Variants in FOXD4 observed in about 807,000 individuals in gnomAD.
FOXD4 encodes the protein forkhead box protein D4.
A neutral mutation model predicts 26.5 loss-of-function variants in FOXD4; 22 were observed. The ratio of observed to expected loss-of-function variants is 0.83; its 90% CI spans 0.59 to 1.18. The LOEUF (loss-of-function observed/expected upper bound fraction) is 1.18, where lower values mean the gene tolerates loss of function less well. FOXD4 is among the 50% of genes most tolerant of loss of function. FOXD4 has a pLI of 0.00. For synonymous variants in FOXD4, 258 were observed against 273.7 expected (o/e 0.94, Z 0.57); for missense variants, 625 against 605.8 (o/e 1.03, Z -0.33).
rs202053571 is a variant in FOXD4, at chr9:117,228, G to A, written c.892C>T (p.His298Tyr). ...TPAPFPCCSP[H>Y]LVLSLGRRAR... ...CTCCTCCCAAGGCTGAGGACCAAGTGAGGGCTGCAGCACGGGAAGGGTGCC... is the reference window on the plus strand; with the variant it reads ...CTCCTCCCAAGGCTGAGGACCAAGTAAGGGCTGCAGCACGGGAAGGGTGCC... Residue 298 changes from histidine to tyrosine, a missense_variant, in exon 1 of 1, where the codon CAC (histidine) becomes TAC (tyrosine). Around this residue, in one of 3 missense-constraint regions of FOXD4, gnomAD observed 92 missense variants for 144.2 expected, o/e 0.64. Transcript: ENST00000382500. 3.1e-3 allele frequency: 4,944 copies of A among 1,609,750 alleles called. 10 individuals are homozygous for A. Among genetic ancestry groups the A allele is most frequent in the Non-Finnish European group, 4.0e-3 (4,705 of 1,179,840 alleles).
At position 117,511 on chromosome 9, in the gene FOXD4, G is replaced by C; in HGVS notation, c.609C>G (p.His203Gln). 1 of 1,611,758 alleles carries C rather than the reference G, an allele frequency of 6.2e-7. No homozygotes were observed. The highest frequency in any genetic ancestry group is 8.5e-7 in the Non-Finnish European group (1 of 1,179,962). Residue 203 changes from histidine (H) to glutamine (Q), a missense_variant, in exon 1 of 1, where the codon CAC becomes CAG. By Grantham distance (24) the His-to-Gln change is conservative. Transcript: ENST00000382500. ...GCAGGTGGGCTCCCGGGGTCGGTTG[G>C]TGGCGCTGGAAACGCTTCCTACGCC... The part of the protein sequence containing the change: ...FLRRRKRFQR[H>Q]QPTPGAHLPH...
At position 117,151 on chromosome 9, in the gene FOXD4, C is replaced by G. The variant is rs1195416260; in HGVS notation, c.969G>C (p.Leu323Phe). The change falls in exon 1 of 1, where the codon TTG (leucine) becomes TTC (phenylalanine). Residue 323 changes from leucine (L) to phenylalanine (F), a missense_variant. Around this residue, in one of 3 missense-constraint regions of FOXD4, gnomAD observed 92 missense variants for 144.2 expected, o/e 0.64. Coordinates refer to ENST00000382500, the MANE Select transcript of FOXD4 (RefSeq NM_207305.5). ...HREADASLSA[L>F]RVSCKGSGER... ...CCCCTGACCCCTTGCATGATACTCT[C>G]AATGCTGAAAGAGATGCATCCGCCT... The G allele has an allele frequency of 3.7e-6, 6 of 1,611,820 alleles. No individual in the cohort carries two copies. The highest frequency in any genetic ancestry group is 1.1e-5 in the South Asian group (1 of 90,970).
In FOXD4 at chr9:117,892, C is replaced by G. The variant is rs767366422; in HGVS notation, c.228G>C (p.Pro76=). 1.9e-6 allele frequency: 3 copies of G among 1,611,692 alleles called. No individual in the cohort carries two copies. In the African/African-American group the frequency reaches 4.0e-5, roughly 22 times the overall value. The part of the protein sequence containing the change: ...PREHIEGGGG[P]SDPSEFGTEF... ...CGGTGCCAAACTCTGAGGGGTCGCT[C>G]GGGCCGCCGCCGCCCTCGATGTGCT... Residue 76 remains proline, a synonymous_variant, in exon 1 of 1, where the codon CCG becomes CCC. Coordinates refer to ENST00000382500, the MANE Select transcript of FOXD4 (RefSeq NM_207305.5).
At position 117,501 on chromosome 9, in the gene FOXD4, G is replaced by T. The variant is rs1425394175; in HGVS notation, c.619C>A (p.Pro207Thr). ...AAGGGGTGGGGCAGGTGGGCTCCCG[G>T]GGTCGGTTGGTGGCGCTGGAAACGC... is the stretch of plus-strand genomic sequence containing the variant. Reference protein sequence around the residue: ...RKRFQRHQPTPGAHLPHPFPL... With the variant: ...RKRFQRHQPTTGAHLPHPFPL... Residue 207 changes from proline to threonine, a missense_variant, in exon 1 of 1, where the codon CCG (proline) becomes ACG (threonine). Physicochemically the swap from Pro to Thr is conservative, Grantham distance 38. Coordinates refer to ENST00000382500, the MANE Select transcript of FOXD4 (RefSeq NM_207305.5). The T allele has an allele frequency of 1.9e-6, 3 of 1,611,082 alleles. No individual in the cohort carries two copies. The highest frequency in any genetic ancestry group is 2.2e-5 in the East Asian group (1 of 44,896).
chr9:117,953 T>C lies in FOXD4; in HGVS notation c.167A>G (p.Gln56Arg), dbSNP rs1294865386. The change falls in exon 1 of 1, where the codon CAG (glutamine) becomes CGG (arginine). Residue 56 changes from glutamine (Q) to arginine (R), a missense_variant. Physicochemically the swap from Gln to Arg is conservative, Grantham distance 43 (BLOSUM62 1). Coordinates refer to ENST00000382500, the MANE Select transcript of FOXD4 (RefSeq NM_207305.5). ...CGCAACCCCGCCCCACCGGGCCACC[T>C]GCAGCCCCGGCTGGAGCGACTGCTC... ...FLEQSLQPGL[Q>R]VARWGGVALP... The C allele has an allele frequency of 1.2e-6, 2 of 1,611,840 alleles. No individual in the cohort carries two copies. Among genetic ancestry groups the C allele is most frequent in the Non-Finnish European group, 1.7e-6 (2 of 1,179,806 alleles).
rs1400232757 is a variant in FOXD4, at chr9:117,539, A to G, written c.581T>C (p.Leu194Pro). 1.2e-6 allele frequency: 2 copies of G among 1,612,536 alleles called. No homozygotes were observed. The highest frequency in any genetic ancestry group is 1.7e-6 in the Non-Finnish European group (2 of 1,180,016). Residue 194 changes from leucine to proline, a missense_variant, in exon 1 of 1, where the codon CTC becomes CCC. This residue lies in a region of FOXD4 where 399 missense variants were observed against 329.4 expected (regional missense o/e 1.21). Coordinates refer to ENST00000382500, the MANE Select transcript of FOXD4 (RefSeq NM_207305.5). ...GCGCTGGAAACGCTTCCTACGCCGG[A>G]GAAAGCTGCCATTGTCGAACATGTC... is the stretch of plus-strand genomic sequence containing the variant. ...SQDMFDNGSF[L>P]RRRKRFQRHQ... is the part of the protein sequence containing the mutation.
rs540003001 is a variant in FOXD4 at position 117,071 on chromosome 9, G to T, written c.1049C>A (p.Pro350His). 12 of 1,611,928 alleles carry T rather than the reference G, an allele frequency of 7.4e-6. No homozygotes were observed. Among genetic ancestry groups the T allele is most frequent in the Non-Finnish European group, 9.3e-6 (11 of 1,179,862 alleles). ...ACAGGCTTGACGGTCGCTGGAGCAG[G>T]GGGCAGTAGCTCCACGCGGTCGGGG... Reference protein sequence around the residue: ...VCPRPRGATAPCSSDRQACRT... With the variant: ...VCPRPRGATAHCSSDRQACRT... Residue 350 changes from proline to histidine, a missense_variant, in exon 1 of 1, where the codon CCC becomes CAC. Physicochemically the swap from Pro to His is moderately conservative, Grantham distance 77. Around this residue, in one of 3 missense-constraint regions of FOXD4, gnomAD observed 134 missense variants for 132.2 expected, o/e 1.01. Transcript: ENST00000382500.
Position 118,002 on chromosome 9 carries a change from C to G in FOXD4, c.118G>C (p.Glu40Gln). The change falls in exon 1 of 1, where the codon GAG (glutamate) becomes CAG (glutamine). Residue 40 changes from glutamate to glutamine, a missense_variant. Glu to Gln is a conservative substitution (Grantham distance 29, BLOSUM62 2). Coordinates refer to ENST00000382500, the MANE Select transcript of FOXD4 (RefSeq NM_207305.5). ...LGEEEDEDEEEAASQQFLEQS... is the reference protein window; with the variant it reads ...LGEEEDEDEEQAASQQFLEQS... ...TCTAGGAACTGCTGGCTCGCCGCCT[C>G]CTCCTCGTCTTCATCTTCCTCCTCT... The G allele has an allele frequency of 6.2e-7, 1 of 1,611,898 alleles. No homozygotes were observed. Among genetic ancestry groups the G allele is most frequent in the East Asian group, 2.2e-5 (1 of 44,874 alleles).
chr9:118,208 C>T lies in FOXD4; in HGVS notation c.-89G>A, dbSNP rs867704859. On this transcript the variant is annotated 5_prime_UTR_variant, in exon 1 of 1. Transcript: ENST00000382500. ...AGCTGGAAGCCCGGGATGAATGTTG[C>T]AAGAAGCAGGAACGCTAGTGGTTAC... 1 of 1,609,706 alleles carries T rather than the reference C, an allele frequency of 6.2e-7. No homozygotes were observed. The highest frequency in any genetic ancestry group is 8.5e-7 in the Non-Finnish European group (1 of 1,178,896).
Position 116,788 on chromosome 9 carries a change from T to A in FOXD4, c.*12A>T, listed in dbSNP as rs1819367376. On this transcript the variant is annotated 3_prime_UTR_variant, in exon 1 of 1. Coordinates refer to ENST00000382500, the MANE Select transcript of FOXD4 (RefSeq NM_207305.5). The stretch of plus-strand genomic sequence containing the variant: ...TGAGCAGCTGCGGGTCGCTCCCCAC[T>A]CCCACCTGGCTCTAGGAGGGCCCTG... The A allele has an allele frequency of 6.3e-7, 1 of 1,583,406 alleles. No individual in the cohort carries two copies. Among genetic ancestry groups the A allele is most frequent in the Non-Finnish European group, 8.6e-7 (1 of 1,165,046 alleles).
chr9:117,865 C>T lies in FOXD4; in HGVS notation c.255G>A (p.Glu85=), dbSNP rs779005373. Residue 85 remains glutamate (E), a synonymous_variant, in exon 1 of 1, where the codon GAG becomes GAA. Transcript: ENST00000382500. ...GPSDPSEFGT[E]FRAPPRSAAA... ...CCGCAGACCTTGGCGGTGCCCTGAA[C>T]TCGGTGCCAAACTCTGAGGGGTCGC... is the stretch of plus-strand genomic sequence containing the variant. 6.2e-7 allele frequency: 1 copy of T among 1,612,028 alleles called. No homozygotes were observed. Among genetic ancestry groups the T allele is most frequent in the Non-Finnish European group, 8.5e-7 (1 of 1,179,808 alleles).
chr9:117,495 C>T lies in FOXD4; in HGVS notation c.625G>A (p.Ala209Thr), dbSNP rs1819396149. The T allele has an allele frequency of 2.5e-6, 4 of 1,610,516 alleles. No homozygotes were observed. Among genetic ancestry groups the T allele is most frequent in the Non-Finnish European group, 3.4e-6 (4 of 1,179,882 alleles). The change falls in exon 1 of 1, where the codon GCC becomes ACC. Residue 209 changes from alanine to threonine, a missense_variant. Ala to Thr is a moderately conservative substitution (Grantham distance 58, BLOSUM62 0). This residue lies in a region of FOXD4 where 399 missense variants were observed against 329.4 expected (regional missense o/e 1.21). Coordinates refer to ENST00000382500, the MANE Select transcript of FOXD4 (RefSeq NM_207305.5). ...AGAGGGAAGGGGTGGGGCAGGTGGG[C>T]TCCCGGGGTCGGTTGGTGGCGCTGG... Reference protein sequence around the residue: ...RFQRHQPTPGAHLPHPFPLPA... With the variant: ...RFQRHQPTPGTHLPHPFPLPA...
rs1459122665 is a variant in FOXD4, at chr9:116,462, A to C, written c.*338T>G. ...TCCAAGGAAGTGAAGAAGGGGGAAC[A>C]TGTTTGGCATCGGAGGCTGTGTTTT... On this transcript the variant is annotated 3_prime_UTR_variant, in exon 1 of 1. Coordinates refer to ENST00000382500, the MANE Select transcript of FOXD4 (RefSeq NM_207305.5). 8 of 445,056 alleles carry C rather than the reference A, an allele frequency of 1.8e-5. No homozygotes were observed. Among genetic ancestry groups the C allele is most frequent in the Non-Finnish European group, 3.4e-5 (8 of 238,646 alleles). 27.6% of individuals were successfully genotyped at this position (445,056 alleles called of 1,614,324 possible). A position where few individuals can be genotyped will look rare whatever the true frequency, so the allele number is the denominator to read the frequency against.
chr9:117,380 G>A lies in FOXD4; in HGVS notation c.740C>T (p.Pro247Leu). 1.9e-6 allele frequency: 3 copies of A among 1,590,558 alleles called. No individual in the cohort carries two copies. The highest frequency in any genetic ancestry group is 2.6e-6 in the Non-Finnish European group (3 of 1,174,550). Residue 247 changes from proline (P) to leucine (L), a missense_variant, in exon 1 of 1, where the codon CCC (proline) becomes CTC (leucine). Physicochemically the swap from Pro to Leu is moderately conservative, Grantham distance 98. Transcript: ENST00000382500. ...APPQPVPGAYPNTGPGRRPYA... is the reference protein window; with the variant it reads ...APPQPVPGAYLNTGPGRRPYA... The stretch of plus-strand genomic sequence containing the variant: ...AGGGCGTCTCCCGGGGCCGGTGTTG[G>A]GGTAGGCCCCCGGGACTGGCTGCGG...
Position 118,017 on chromosome 9 carries a change from C to T in FOXD4, c.103G>A (p.Asp35Asn). Residue 35 changes from aspartate to asparagine, a missense_variant, in exon 1 of 1, where the codon GAT becomes AAT. By Grantham distance (23) the Asp-to-Asn change is conservative (BLOSUM62 1). This residue lies in a region of FOXD4 where 399 missense variants were observed against 329.4 expected (regional missense o/e 1.21). Transcript: ENST00000382500. ...GKIDVLGEEE[D>N]EDEEEAASQQ... The stretch of plus-strand genomic sequence containing the variant: ...CTCGCCGCCTCCTCCTCGTCTTCAT[C>T]TTCCTCCTCTCCCAGGACATCGATT... 6.2e-7 allele frequency: 1 copy of T among 1,611,992 alleles called. No individual in the cohort carries two copies. Among genetic ancestry groups the T allele is most frequent in the Non-Finnish European group, 8.5e-7 (1 of 1,179,830 alleles).
In FOXD4 at chr9:118,256, T is replaced by C. The variant is rs1207302934; in HGVS notation, c.-137A>G. 16 of 1,569,300 alleles carry C rather than the reference T, an allele frequency of 1.0e-5. No individual in the cohort carries two copies. In the Middle Eastern group the frequency reaches 1.2e-3, roughly 115 times the overall value. On this transcript the variant is annotated 5_prime_UTR_variant, in exon 1 of 1. Transcript: ENST00000382500. ...TACCCTTTGGGATGTTTTCCTCTGC[T>C]TGTTTCTACGCCTTTGCAACAACGT...
chr9:117,866 T>A lies in FOXD4; in HGVS notation c.254A>T (p.Glu85Val), dbSNP rs144448517. 3.1e-6 allele frequency: 5 copies of A among 1,611,910 alleles called. No homozygotes were observed. In the South Asian group the frequency reaches 3.3e-5, roughly 11 times the overall value. The change falls in exon 1 of 1, where the codon GAG (glutamate) becomes GTG (valine). Residue 85 changes from glutamate to valine, a missense_variant. Glu to Val is a moderately radical substitution (Grantham distance 121, BLOSUM62 -2). Transcript: ENST00000382500. The part of the protein sequence containing the change: ...GPSDPSEFGT[E>V]FRAPPRSAAA... ...CGCAGACCTTGGCGGTGCCCTGAAC[T>A]CGGTGCCAAACTCTGAGGGGTCGCT...
chr9:118,037 T>G lies in FOXD4; in HGVS notation c.83A>C (p.Asp28Ala). ...RDSDGEDGKIDVLGEEEDEDE... is the reference protein window; with the variant it reads ...RDSDGEDGKIAVLGEEEDEDE... ...TTCATCTTCCTCCTCTCCCAGGACA[T>G]CGATTTTACCGTCTTCCCCATCGGA... The change falls in exon 1 of 1, where the codon GAT (aspartate) becomes GCT (alanine). Residue 28 changes from aspartate (D) to alanine (A), a missense_variant. This residue lies in a region of FOXD4 where 399 missense variants were observed against 329.4 expected (regional missense o/e 1.21). Transcript: ENST00000382500. The G allele has an allele frequency of 6.2e-7, 1 of 1,611,966 alleles. No homozygotes were observed. The highest frequency in any genetic ancestry group is 8.5e-7 in the Non-Finnish European group (1 of 1,179,844).
At position 117,530 on chromosome 9, in the gene FOXD4, C is replaced by G. The variant is rs369349692; in HGVS notation, c.590G>C (p.Arg197Thr). Reference sequence around the variant, plus strand: ...CGGTTGGTGGCGCTGGAAACGCTTCCTACGCCGGAGAAAGCTGCCATTGTC... The same window carrying G: ...CGGTTGGTGGCGCTGGAAACGCTTCGTACGCCGGAGAAAGCTGCCATTGTC... ...MFDNGSFLRR[R>T]KRFQRHQPTP... Residue 197 changes from arginine (R) to threonine (T), a missense_variant, in exon 1 of 1, where the codon AGG (arginine) becomes ACG (threonine). This residue lies in a region of FOXD4 where 399 missense variants were observed against 329.4 expected (regional missense o/e 1.21). Coordinates refer to ENST00000382500, the MANE Select transcript of FOXD4 (RefSeq NM_207305.5). 1.1e-5 allele frequency: 17 copies of G among 1,612,326 alleles called. No individual in the cohort carries two copies. In the South Asian group the frequency reaches 1.4e-4, roughly 14 times the overall value.
Sources: gnomAD v4.1 joint callset for allele counts on GRCh38, gnomAD v4.1.1 for gene constraint, gnomAD v4.1.1 regional missense constraint, MANE v1.5 for transcripts, NCBI Gene and HGNC (gene_info 2026-07-23, HGNC 2026-07-21) for gene names.